The following OGFOD3 variants were observed in gnomAD, a reference collection of about 807,000 sequenced individuals.
OGFOD3 encodes 2-oxoglutarate and iron dependent oxygenase domain containing 3, also known as 2-oxoglutarate and iron-dependent oxygenase domain-containing protein 3.
A neutral mutation model predicts 39.8 loss-of-function variants in OGFOD3; 35 were observed. The observed-to-expected ratio is 0.88, with a 90% CI of 0.67 to 1.17. The LOEUF is 1.17. Ranked by LOEUF, OGFOD3 falls within the 50% of genes most tolerant of loss-of-function variation. The pLI is 0.00. For synonymous variants in OGFOD3, 200 were observed against 192.0 expected (o/e 1.04, Z -0.34); for missense variants, 438 against 454.5 (o/e 0.96, Z 0.33).
chr17:82,403,766 C>T, intron 7 of OGFOD3, 171 bp downstream of exon 7: 2 of 873,782 alleles, frequency 2.3e-6, no homozygotes, highest in Admixed American at 2.1e-5. Flanking sequence ...CATGCGCGCT[C>T]ACCCTGCCCA....
intron 7 of OGFOD3, among the ~76,000 whole-genome samples, chr17:82,400,136 C>A (rs973289188): frequency 7.9e-5 from 12 of 152,162 alleles, no homozygotes; most frequent in African/African-American, 2.7e-4. Flanking sequence ...CCGCCAATAT[C>A]CACCTCACAT....
chr17:82,416,922 G>A (rs1186517466), intron 1 of OGFOD3, among the ~76,000 whole-genome samples: 1 of 152,036 alleles, frequency 6.6e-6, no homozygotes, highest in Non-Finnish European at 1.5e-5. Context: ...TAATCTAACC[G>A]CCTCAGCCTC....
intron 7 of OGFOD3, among the ~76,000 whole-genome samples, chr17:82,399,704 G>A (rs1269780241): frequency 1.3e-5 from 2 of 152,232 alleles, no homozygotes; most frequent in Non-Finnish European, 2.9e-5. Flanking sequence ...ACGGACGTGG[G>A]ATCAGGCAGG....
In OGFOD3 at chr17:82,406,454, G is replaced by A. The variant is rs760621921; in HGVS notation, c.452C>T (p.Ala151Val). 6.2e-7 allele frequency: 1 copy of A among 1,614,168 alleles called. No homozygotes were observed. Among genetic ancestry groups the A allele is most frequent in the East Asian group, 2.2e-5 (1 of 44,888 alleles). ...GASILDLHSGALSVGKHFVNL... is the reference protein window; with the variant it reads ...GASILDLHSGVLSVGKHFVNL... ...CACAAAGTGCTTCCCGACAGACAGGGCCCCTGAGTGCAAGTCCAGAATGGA... is the reference window on the plus strand; with the variant it reads ...CACAAAGTGCTTCCCGACAGACAGGACCCCTGAGTGCAAGTCCAGAATGGA... Residue 151 changes from alanine to valine, a missense_variant, in exon 5 of 9, where the codon GCC (alanine) becomes GTC (valine). Physicochemically the swap from Ala to Val is moderately conservative, Grantham distance 64. Coordinates refer to ENST00000313056, the MANE Select transcript of OGFOD3 (RefSeq NM_024648.3). The surrounding 1 kb of genome is among the most constrained non-coding windows in gnomAD (Gnocchi z 5.2).
At chr17:82,408,104 T>C (rs1461486547) in intron 4 of OGFOD3, among the ~76,000 whole-genome samples, 1 of 151,762 alleles carries the variant, frequency 6.6e-6, no homozygotes, top group Admixed American at 6.6e-5. Flanking sequence ...GATCGCCCCA[T>C]TGCACTCCAG....
In OGFOD3 at chr17:82,404,160, G is replaced by A; in HGVS notation, c.546-70C>T. On this transcript the variant is annotated intron_variant, in intron 6 of 8. Coordinates refer to ENST00000313056, the MANE Select transcript of OGFOD3 (RefSeq NM_024648.3). The surrounding 1 kb of genome is among the most constrained non-coding windows in gnomAD (Gnocchi z 4.5). ...GGACGCTCGTGGGTCCCAACCCGTG[G>A]GTGGCAGGAAAGGAACCAGCCTTCG... The A allele has an allele frequency of 1.4e-5, 21 of 1,463,494 alleles. No homozygotes were observed. The highest frequency in any genetic ancestry group is 2.5e-5 in the Admixed American group (1 of 40,478). 90.7% of individuals were successfully genotyped at this position (1,463,494 alleles called of 1,614,324 possible).
Position 82,392,651 on chromosome 17 carries a change from A to G in OGFOD3, c.824-117T>C. 2 of 1,247,228 alleles carry G rather than the reference A, an allele frequency of 1.6e-6. No individual in the cohort carries two copies. The highest frequency in any genetic ancestry group is 1.5e-5 in the African/African-American group (1 of 65,864). 77.3% of individuals were successfully genotyped at this position (1,247,228 alleles called of 1,614,324 possible). A position where few individuals can be genotyped will look rare whatever the true frequency, so the allele number is the denominator to read the frequency against. On this transcript the variant is annotated intron_variant, in intron 8 of 8. Transcript: ENST00000313056. The surrounding 1 kb of genome is among the most constrained non-coding windows in gnomAD (Gnocchi z 4.2). ...AACCAATCAACACAACCAACCAGGC[A>G]GGCTGGAGAAATTGCCCCTCTGGGA...
chr17:82,409,151 C>T (rs887012140), intron 4 of OGFOD3, among the ~76,000 whole-genome samples: 2 of 152,194 alleles, frequency 1.3e-5, no homozygotes, highest in African/African-American at 2.4e-5. Context: ...TAGATGGCCA[C>T]GCACATCTAA....
intron 4 of OGFOD3, among the ~76,000 whole-genome samples, chr17:82,408,129 C>T (rs543649078): frequency 5.9e-5 from 9 of 151,952 alleles, no homozygotes; most frequent in African/African-American, 1.4e-4. Context: ...GGCAACAGAG[C>T]GAGACTCTGT....
chr17:82,404,787 C>A lies in OGFOD3; in HGVS notation c.545+537G>T, dbSNP rs1043402134. Among the ~76,000 whole-genome samples, 2 of 147,354 alleles carry A rather than the reference C, an allele frequency of 1.4e-5. No homozygotes were observed. The highest frequency in any genetic ancestry group is 3.0e-5 in the Non-Finnish European group (2 of 67,336). On this transcript the variant is annotated intron_variant, in intron 6 of 8. Transcript: ENST00000313056. This position sits in a 1 kb window ranked among gnomAD's most constrained non-coding sequence, Gnocchi z 4.5. The stretch of plus-strand genomic sequence containing the variant: ...GATGAGGCTTGTTCTGTCACCCAGG[C>A]TGGAGTGCAGTGGTGCAATCTCAGC...
rs552858351 is a variant in OGFOD3 at position 82,406,043 on chromosome 17, T to C, written c.488+375A>G. Among the ~76,000 whole-genome samples, 1 of 152,296 alleles carries C rather than the reference T, an allele frequency of 6.6e-6. No homozygotes were observed. The highest frequency in any genetic ancestry group is 2.1e-4 in the South Asian group (1 of 4,828). ...GACACGGATCCACGCAGGGAGGGTC[T>C]CTTTGCTCTCCCGGCCCCTCATGGA... On this transcript the variant is annotated intron_variant, in intron 5 of 8. Transcript: ENST00000313056. The surrounding 1 kb of genome is among the most constrained non-coding windows in gnomAD (Gnocchi z 5.2).
Position 82,404,163 on chromosome 17 carries a change from G to C in OGFOD3, c.546-73C>G. 6.2e-6 allele frequency: 9 copies of C among 1,455,336 alleles called. No homozygotes were observed. The highest frequency in any genetic ancestry group is 8.2e-6 in the Non-Finnish European group (9 of 1,097,776). 90.2% of individuals were successfully genotyped at this position (1,455,336 alleles called of 1,614,324 possible). On this transcript the variant is annotated intron_variant, in intron 6 of 8. Transcript: ENST00000313056. The surrounding 1 kb of genome is among the most constrained non-coding windows in gnomAD (Gnocchi z 4.5). ...CGCTCGTGGGTCCCAACCCGTGGGT[G>C]GCAGGAAAGGAACCAGCCTTCGTAC...
At chr17:82,418,312 A>T (rs1017889291) in intron 1 of OGFOD3, 100 bp downstream of exon 1, 1 of 6,978 alleles carries the variant, frequency 1.4e-4, no homozygotes, top group Non-Finnish European at 3.2e-4. Context: ...CCACCCCCCC[A>T]CCCGGGTCGG....
intron 7 of OGFOD3, among the ~76,000 whole-genome samples, chr17:82,403,621 A>G (rs1300699429): frequency 6.6e-6 from 1 of 152,130 alleles, no homozygotes; most frequent in East Asian, 1.9e-4. Flanking sequence ...ACAGAGCGAG[A>G]CTCTGTCTCA....
chr17:82,398,407 A>G, intron 7 of OGFOD3, 88 bp from the exon 8 acceptor site: 1 of 1,505,998 alleles, frequency 6.6e-7, no homozygotes, highest in Non-Finnish European at 9.0e-7. Flanking sequence ...TTTTTTGTTT[A>G]TTTATTTTTT....
intron 8 of OGFOD3, among the ~76,000 whole-genome samples, chr17:82,395,894 A>C (rs575796726): frequency 1.3e-5 from 2 of 152,404 alleles, no homozygotes; most frequent in African/African-American, 4.8e-5. Context: ...TACAACATCA[A>C]ATCACAGGTA....
At chr17:82,412,842 C>T (rs1244601249) in intron 2 of OGFOD3, among the ~76,000 whole-genome samples, 1 of 152,200 alleles carries the variant, frequency 6.6e-6, no homozygotes, top group Admixed American at 6.5e-5. Flanking sequence ...ATATGCTTTT[C>T]CTCCCTCTCC....
At chr17:82,396,094 C>T (rs1245430500) in intron 8 of OGFOD3, among the ~76,000 whole-genome samples, 1 of 150,874 alleles carries the variant, frequency 6.6e-6, no homozygotes, top group African/African-American at 2.4e-5. Context: ...CACAGATACA[C>T]ACAATTAGAT....
At position 82,404,029 on chromosome 17, in the gene OGFOD3, G is replaced by T; in HGVS notation, c.607C>A (p.Leu203Met). 6.2e-7 allele frequency: 1 copy of T among 1,610,546 alleles called. No homozygotes were observed. ...AEAFGISASSLHLTKPTFFSR... is the reference protein window; with the variant it reads ...AEAFGISASSMHLTKPTFFSR... ...AAGAAGGTGGGCTTGGTCAGATGCA[G>T]CGAGGATGCGCTGATGCCAAAAGCC... The change falls in exon 7 of 9, where the codon CTG becomes ATG. Residue 203 changes from leucine (L) to methionine (M), a missense_variant. Coordinates refer to ENST00000313056, the MANE Select transcript of OGFOD3 (RefSeq NM_024648.3). The surrounding 1 kb of genome is among the most constrained non-coding windows in gnomAD (Gnocchi z 4.5).
Sources: allele counts gnomAD v4.1 joint callset (sites outside exome capture counted in the v4.1 genomes callset), GRCh38; gene constraint gnomAD v4.1.1; non-coding constraint Gnocchi (gnomAD v3.1); transcripts MANE v1.5; gene names NCBI Gene and HGNC (gene_info 2026-07-23, HGNC 2026-07-21).